MYO9A: variants seen among roughly 807,000 people sequenced by gnomAD.
MYO9A encodes unconventional myosin-IXa.
In MYO9A, 103 loss-of-function variants were observed where a neutral mutation model predicts 293.3. The ratio of observed to expected loss-of-function variants is 0.35; its 90% confidence interval spans 0.30 to 0.41. The LOEUF (loss-of-function observed/expected upper bound fraction) is 0.41. MYO9A is among the 10% of genes least tolerant of loss of function. The pLI is 1.00. For missense variants in MYO9A, 2,685 were observed against 3,033.0 expected (o/e 0.89, Z 2.69); for synonymous variants, 1,001 against 1,035.7 (o/e 0.97, Z 0.64).
rs560094334 is a variant in MYO9A, at chr15:71,973,441, G to A, written c.1844+4730C>T. ...CAGTAGCTTTGGTTTAAATGCTACC[G>A]TGGAAAACATGTTTGGGTTGATGTA... On this transcript the variant is annotated intron_variant, in intron 12 of 41. Coordinates refer to ENST00000356056, the MANE Select transcript of MYO9A (RefSeq NM_006901.4). 2.6e-5 allele frequency among the ~76,000 whole-genome samples: 4 copies of A among 152,202 alleles called. No homozygotes were observed. The South Asian group carries it at 8.3e-4, about 32-fold the overall frequency.
At chr15:72,109,268 T>C (rs952987766) in intron 1 of MYO9A, among the ~76,000 whole-genome samples, 2 of 151,700 alleles carry the variant, frequency 1.3e-5, no homozygotes, top group Non-Finnish European at 1.5e-5. Flanking sequence ...CGGGTGCCTG[T>C]AGTCCCAGCT....
intron 18 of MYO9A, among the ~76,000 whole-genome samples, chr15:71,930,179 G>C (rs945547553): frequency 4.6e-5 from 7 of 152,166 alleles, no homozygotes; most frequent in African/African-American, 1.2e-4. Flanking sequence ...TTCTGCTGCT[G>C]TTGACTGAAA....
intron 1 of MYO9A, among the ~76,000 whole-genome samples, chr15:72,078,937 A>T (rs1316261729): frequency 6.6e-6 from 1 of 152,242 alleles, no homozygotes; most frequent in Non-Finnish European, 1.5e-5. Context: ...GGCGACAGCA[A>T]GAAGACAGTG....
At chr15:71,956,855 ACACAAAT>A (rs1567316017) in intron 14 of MYO9A, among the ~76,000 whole-genome samples, 3 of 86,612 alleles carry the variant, frequency 3.5e-5, no homozygotes, top group Non-Finnish European at 7.4e-5. Flanking sequence ...ACACACACAC[ACACAAAT>A]ATATATATAT....
intron 8 of MYO9A, among the ~76,000 whole-genome samples, chr15:72,005,847 G>A (rs1384168662): frequency 6.6e-6 from 1 of 152,180 alleles, no homozygotes; most frequent in Non-Finnish European, 1.5e-5. Context: ...TGTATTTAGG[G>A]AGTCAGTTTA....
intron 12 of MYO9A, among the ~76,000 whole-genome samples, chr15:71,974,115 C>CA (rs2076079583): frequency 6.6e-6 from 1 of 151,804 alleles, no homozygotes; most frequent in African/African-American, 2.4e-5. Context: ...AACAAACAAA[C>CA]AAACAAAAAC....
At chr15:71,990,975 G>A (rs969150680) in intron 11 of MYO9A, 128 bp downstream of exon 11, 115 of 946,656 alleles carry the variant, frequency 1.2e-4, no homozygotes, top group Non-Finnish European at 1.6e-4. Context: ...GTAAAGGCAC[G>A]TTTCAATATT....
intron 32 of MYO9A, among the ~76,000 whole-genome samples, chr15:71,871,603 C>T (rs2056515705): frequency 1.3e-5 from 2 of 150,860 alleles, no homozygotes; most frequent in South Asian, 4.2e-4. Context: ...GGCACTTGAG[C>T]CTGGCGAGGT....
intron 11 of MYO9A, among the ~76,000 whole-genome samples, chr15:71,989,747 C>T (rs1410116257): frequency 6.6e-6 from 1 of 152,060 alleles, no homozygotes; most frequent in Non-Finnish European, 1.5e-5. Flanking sequence ...CATTCAAGGC[C>T]AGGAGTGGTA....
intron 14 of MYO9A, among the ~76,000 whole-genome samples, chr15:71,956,331 AT>A (rs1271882295): frequency 0.054 from 529 of 9,828 alleles, 6 homozygotes; most frequent in Middle Eastern, 0.1. Context: ...AAAAAAAAAA[AT>A]ATATATATAT....
chr15:72,109,492 T>C lies in MYO9A; in HGVS notation c.-72+8188A>G, dbSNP rs2080700270. On this transcript the variant is annotated intron_variant, in intron 1 of 41. Coordinates refer to ENST00000356056, the MANE Select transcript of MYO9A (RefSeq NM_006901.4). Reference sequence around the variant, plus strand: ...GAATCTAGTTGATAGACATAATTAGTGTTCTCTTCCAACTTTTCTATTTCT... The same window carrying C: ...GAATCTAGTTGATAGACATAATTAGCGTTCTCTTCCAACTTTTCTATTTCT... Among the ~76,000 whole-genome samples the C allele has an allele frequency of 2.6e-5, 4 of 152,188 alleles. No homozygotes were observed. In the South Asian group the frequency reaches 6.2e-4, roughly 24 times the overall value.
chr15:72,022,676 T>G (rs1423529249), intron 4 of MYO9A, among the ~76,000 whole-genome samples: 1 of 152,114 alleles, frequency 6.6e-6, no homozygotes, highest in Non-Finnish European at 1.5e-5. Flanking sequence ...GCCTCCCTAG[T>G]AGCTGGGACC....
At chr15:71,905,268 T>C (rs1284567864) in intron 19 of MYO9A, among the ~76,000 whole-genome samples, 3 of 152,146 alleles carry the variant, frequency 2.0e-5, no homozygotes, top group African/African-American at 7.2e-5. Flanking sequence ...AAATATAGAA[T>C]TTTTTTCACT....
intron 4 of MYO9A, among the ~76,000 whole-genome samples, chr15:72,022,866 T>TCAA (rs780049850): frequency 5.9e-5 from 9 of 151,880 alleles, no homozygotes; most frequent in Admixed American, 5.9e-4. Flanking sequence ...AATCCAGTTT[T>TCAA]CAACAACAAC....
chr15:72,009,774 A>G (rs1315728631), intron 7 of MYO9A, among the ~76,000 whole-genome samples: 1 of 152,132 alleles, frequency 6.6e-6, no homozygotes, highest in Admixed American at 6.6e-5. Flanking sequence ...CCCCTTCAAA[A>G]AAGTTATAAG....
chr15:71,933,760 C>G (rs1372508388), intron 17 of MYO9A, 51 bp from the exon 18 acceptor site: 1 of 1,418,310 alleles, frequency 7.1e-7, no homozygotes, highest in African/African-American at 1.5e-5. Context: ...AAAACAAAAA[C>G]AAAAGCTACT....
intron 27 of MYO9A, among the ~76,000 whole-genome samples, chr15:71,885,777 C>T (rs1012917222): frequency 2.0e-5 from 3 of 152,118 alleles, no homozygotes; most frequent in African/African-American, 7.2e-5. Context: ...ATTTATCCTC[C>T]GTTTTCTCGG....
chr15:71,892,541 C>T lies in MYO9A; in HGVS notation c.5142+1138G>A, dbSNP rs79956759. ...CTGTTTTTGCAGTTTTATTACAAGA[C>T]GGTCATGCCCATTTGTTTACTTAGT... On this transcript the variant is annotated intron_variant, in intron 26 of 41. Coordinates refer to ENST00000356056, the MANE Select transcript of MYO9A (RefSeq NM_006901.4). 4.9e-3 allele frequency: 754 copies of T among 153,650 alleles called. 6 individuals carry two copies. The highest frequency in any genetic ancestry group is 0.026 in the South Asian group (125 of 4,896). The allele number at this position is 153,650 out of a possible 1,614,324, so 9.5% of individuals were successfully genotyped here. A position where few individuals can be genotyped will look rare whatever the true frequency, so the allele number is the denominator to read the frequency against.
intron 1 of MYO9A, among the ~76,000 whole-genome samples, chr15:72,085,547 C>T (rs1237051647): frequency 6.6e-6 from 1 of 152,144 alleles, no homozygotes. Context: ...TTCTTAGCTT[C>T]CTTGGATTGG....
Sources: gnomAD v4.1 joint callset for allele counts (sites outside exome capture counted in the v4.1 genomes callset) on GRCh38, gnomAD v4.1.1 for gene constraint, MANE v1.5 for transcripts, NCBI Gene and HGNC (gene_info 2026-07-23, HGNC 2026-07-21) for gene names.